Variants in SEC62 observed in about 807,000 individuals in gnomAD.
SEC62 encodes translocation protein SEC62.
In SEC62, 10 loss-of-function variants were observed where a neutral mutation model predicts 47.5. The observed-to-expected ratio is 0.21, with a 90% CI of 0.13 to 0.36. The LOEUF is 0.36. Ranked by LOEUF, SEC62 falls within the 10% of genes least tolerant of loss-of-function variation. SEC62 has a pLI of 1.00. For synonymous variants in SEC62, 136 were observed against 150.5 expected, an observed-to-expected ratio of 0.90 and a Z score of 0.71; for missense variants, 327 against 464.1, an observed-to-expected ratio of 0.70 and a Z score of 2.71.
At chr3:169,991,695 C>T (rs1715251911) in intron 7 of SEC62, among the ~76,000 whole-genome samples, 1 of 152,090 alleles carries the variant, frequency 6.6e-6, no homozygotes, top group South Asian at 2.1e-4. Context: ...AGAGCAAGAC[C>T]TTGTCCTCAA....
intron 3 of SEC62, among the ~76,000 whole-genome samples, chr3:169,981,139 T>C (rs564611600): frequency 6.6e-6 from 1 of 152,340 alleles, no homozygotes; most frequent in East Asian, 1.9e-4. Flanking sequence ...TTTATATATG[T>C]ATATGTATTC....
In SEC62 at chr3:169,966,865, A is replaced by C. The variant is rs1427662224; in HGVS notation, c.36+7A>C. On this transcript the variant is annotated splice_region_variant and intron_variant, in intron 1 of 7. Transcript: ENST00000337002. ...ACACAAGAAGCGGATCCAGGTAGCA[A>C]AGCCGAGCTCTGGGCAGGGGGCTTC... The C allele has an allele frequency of 1.3e-6, 2 of 1,553,060 alleles. No individual in the cohort carries two copies. The highest frequency in any genetic ancestry group is 8.7e-7 in the Non-Finnish European group (1 of 1,147,830).
chr3:169,978,823 A>T (rs1010954600), intron 3 of SEC62, among the ~76,000 whole-genome samples: 1 of 152,216 alleles, frequency 6.6e-6, no homozygotes, highest in Non-Finnish European at 1.5e-5. Flanking sequence ...AAATGCAGAA[A>T]CTGGGGCACA....
In SEC62 at chr3:169,966,815, C is replaced by A. The variant is rs949727895; in HGVS notation, c.-8C>A. The A allele has an allele frequency of 1.9e-6, 3 of 1,553,142 alleles. No homozygotes were observed. The highest frequency in any genetic ancestry group is 2.6e-6 in the Non-Finnish European group (3 of 1,147,944). The stretch of plus-strand genomic sequence containing the variant: ...CCACGTCAGAGGGAACCGGGCGGAG[C>A]GGCCAACATGGCGGAACGCAGGAGA... On this transcript the variant is annotated 5_prime_UTR_variant, in exon 1 of 8. Coordinates refer to ENST00000337002, the MANE Select transcript of SEC62 (RefSeq NM_003262.4).
chr3:169,969,927 T>G (rs1714656121), intron 1 of SEC62, among the ~76,000 whole-genome samples: 1 of 152,186 alleles, frequency 6.6e-6, no homozygotes, highest in African/African-American at 2.4e-5. Context: ...GTTGCACCCA[T>G]CTGTCTTCCT....
intron 3 of SEC62, 143 bp from the exon 4 acceptor site, chr3:169,982,564 T>A: frequency 1.0e-6 from 1 of 970,714 alleles, no homozygotes; most frequent in Non-Finnish European, 1.6e-6. Context: ...AGTTGACTAC[T>A]TTTTCACGGG....
intron 1 of SEC62, 157 bp from the exon 2 acceptor site, chr3:169,975,451 G>T (rs1714811685): frequency 2.0e-6 from 1 of 497,658 alleles, no homozygotes; most frequent in Non-Finnish European, 3.6e-6. Context: ...CTCCATTTTT[G>T]TCTTTTGAAT....
intron 1 of SEC62, among the ~76,000 whole-genome samples, chr3:169,974,972 T>C (rs2108281236): frequency 6.6e-6 from 1 of 152,288 alleles, no homozygotes; most frequent in East Asian, 1.9e-4. Context: ...TTAATTACTG[T>C]TTTGTGGCTT....
intron 4 of SEC62, 26 bp downstream of exon 4, chr3:169,982,937 A>C (rs1221324128): frequency 1.3e-6 from 2 of 1,558,736 alleles, no homozygotes; most frequent in Admixed American, 2.2e-5. Context: ...ATTAAGTAAA[A>C]ATTTAAAAAT....
chr3:169,989,764 T>C (rs1715195481), intron 7 of SEC62, among the ~76,000 whole-genome samples: 1 of 152,042 alleles, frequency 6.6e-6, no homozygotes, highest in African/African-American at 2.4e-5. Flanking sequence ...ATTTTCATTG[T>C]AAATATGCTG....
In SEC62 at chr3:169,992,177, C is replaced by T. The variant is rs1715263679; in HGVS notation, c.731-417C>T. On this transcript the variant is annotated intron_variant, in intron 7 of 7. Transcript: ENST00000337002. The surrounding 1 kb of genome is among the most constrained non-coding windows in gnomAD (Gnocchi z 4.0). ...TGCTATGTGTATTGAAGCATAATATCACAAAGTACATAAATCAGAAGTGTA... is the reference window on the plus strand; with the variant it reads ...TGCTATGTGTATTGAAGCATAATATTACAAAGTACATAAATCAGAAGTGTA... 1.3e-5 allele frequency among the ~76,000 whole-genome samples: 2 copies of T among 152,230 alleles called. No individual in the cohort carries two copies. Among genetic ancestry groups the T allele is most frequent in the Admixed American group, 1.3e-4 (2 of 15,290 alleles).
At chr3:169,984,203 G>A (rs553233984) in intron 5 of SEC62, among the ~76,000 whole-genome samples, 1 of 152,156 alleles carries the variant, frequency 6.6e-6, no homozygotes, top group Non-Finnish European at 1.5e-5. Context: ...GTGGGATTGT[G>A]GGGGAGGATT....
rs762601555 is a variant in SEC62 at position 169,992,878 on chromosome 3, C to T, written c.1015C>T (p.Arg339Trp). The T allele has an allele frequency of 1.9e-5, 30 of 1,613,448 alleles. No individual in the cohort carries two copies. Among genetic ancestry groups the T allele is most frequent in the South Asian group, 4.4e-5 (4 of 91,052 alleles). Residue 339 changes from arginine to tryptophan, a missense_variant, in exon 8 of 8, where the codon CGG (arginine) becomes TGG (tryptophan). Arg to Trp is a moderately radical substitution (Grantham distance 101). This residue lies in a region of SEC62 where 102 missense variants were observed against 108.8 expected (regional missense o/e 0.94). Transcript: ENST00000337002. This position sits in a 1 kb window ranked among gnomAD's most constrained non-coding sequence, Gnocchi z 4.0. ...TGGAACAGAAGGCTCGGGGGGAGAA[C>T]GGCATTCAGACACGGACAGTGACAG... Reference protein sequence around the residue: ...NHGTEGSGGERHSDTDSDRRE... With the variant: ...NHGTEGSGGEWHSDTDSDRRE...
At chr3:169,979,320 T>C (rs1399380777) in intron 3 of SEC62, among the ~76,000 whole-genome samples, 1 of 152,190 alleles carries the variant, frequency 6.6e-6, no homozygotes, top group Non-Finnish European at 1.5e-5. Context: ...CTTTTTTTCT[T>C]TTTTTGGCAT....
chr3:169,995,665 A>G lies in SEC62; in HGVS notation c.*2602A>G, dbSNP rs182471241. On this transcript the variant is annotated 3_prime_UTR_variant, in exon 8 of 8. Transcript: ENST00000337002. ...TATTAGGAACTGGAAAACAGCAAGT[A>G]TGGTTGATTCTCATTATTCAAGGTA... The G allele has an allele frequency of 3.3e-5, 5 of 152,256 alleles. No homozygotes were observed. Among genetic ancestry groups the G allele is most frequent in the South Asian group, 2.1e-4 (1 of 4,826 alleles). 9.4% of individuals were successfully genotyped at this position (152,256 alleles called of 1,614,324 possible).
chr3:169,986,861 AACTAT>A (rs1366504247), intron 6 of SEC62, among the ~76,000 whole-genome samples: 5 of 152,048 alleles, frequency 3.3e-5, no homozygotes, highest in African/African-American at 9.6e-5. Context: ...GAGTAGCTGG[AACTAT>A]AGGCACACTC....
intron 2 of SEC62, 25 bp downstream of exon 2, chr3:169,975,741 A>G: frequency 1.4e-6 from 2 of 1,442,946 alleles, no homozygotes; most frequent in Non-Finnish European, 2.0e-6. Flanking sequence ...GTAAAATCGT[A>G]TTAGTGTACA....
At chr3:169,967,075 A>T (rs992409463) in intron 1 of SEC62, among the ~76,000 whole-genome samples, 1 of 152,140 alleles carries the variant, frequency 6.6e-6, no homozygotes, top group Non-Finnish European at 1.5e-5. Context: ...GTGGTGGTGG[A>T]GCAGCAGGGG....
intron 6 of SEC62, among the ~76,000 whole-genome samples, chr3:169,986,354 G>A (rs1012683266): frequency 5.3e-5 from 8 of 152,164 alleles, no homozygotes; most frequent in Non-Finnish European, 1.0e-4. Flanking sequence ...CAAAGTGTGT[G>A]CATTGACACA....
Sources: gnomAD v4.1 joint callset for allele counts (sites outside exome capture counted in the v4.1 genomes callset) on GRCh38, gnomAD v4.1.1 for gene constraint, gnomAD v4.1.1 regional missense constraint, Gnocchi (gnomAD v3.1) non-coding constraint, MANE v1.5 for transcripts, NCBI Gene and HGNC (gene_info 2026-07-23, HGNC 2026-07-21) for gene names.